Variants in DLG1 observed in about 807,000 individuals in gnomAD.
DLG1 encodes the protein discs large MAGUK scaffold protein 1.
Under a neutral mutation model 123.4 loss-of-function variants are expected in DLG1, and 42 were observed. The ratio of observed to expected loss-of-function variants is 0.34; its 90% CI spans 0.27 to 0.44. DLG1 has a LOEUF of 0.44. Among genes scored for constraint, DLG1 ranks in the 20% least tolerant of loss-of-function variants. The probability of loss-of-function intolerance (pLI) is 1.00; values close to 1 mark genes in which losing one functional copy is unlikely to be tolerated. For missense variants in DLG1, 942 were observed against 1,082.6 expected (o/e 0.87, Z 1.82); for synonymous variants, 317 against 356.2 (o/e 0.89, Z 1.24).
intron 2 of DLG1, 69 bp from the exon 3 acceptor site, chr3:197,296,546 A>G (rs2151298284): frequency 7.1e-7 from 1 of 1,401,530 alleles, no homozygotes. Flanking sequence ...ACTAGTGCAA[A>G]TAATTCTGCA....
chr3:197,069,446 A>AATT, intron 18 of DLG1, 186 bp from the exon 19 acceptor site: 1 of 418,732 alleles, frequency 2.4e-6, no homozygotes, highest in Non-Finnish European at 4.3e-6. Flanking sequence ...AAACTCCTGT[A>AATT]ATTAAGGACA....
rs142234695 is a variant in DLG1 at position 197,248,201 on chromosome 3, C to T, written c.318+34478G>A. Among the ~76,000 whole-genome samples, 260 of 152,258 alleles carry T rather than the reference C, an allele frequency of 1.7e-3. 4 individuals are homozygous for T. Among genetic ancestry groups the T allele is most frequent in the East Asian group, 0.015 (78 of 5,186 alleles). On this transcript the variant is annotated intron_variant, in intron 4 of 24. Transcript: ENST00000667157. ...ATGTTCTGACCAAGATATACTTCAC[C>T]GCCCCCTGGCTTTTCTTACTTTGAT...
At chr3:197,055,714 G>A (rs890904827) in intron 23 of DLG1, among the ~76,000 whole-genome samples, 1 of 152,114 alleles carries the variant, frequency 6.6e-6, no homozygotes, top group Non-Finnish European at 1.5e-5. Flanking sequence ...TCTGTGGTGT[G>A]GGGGGAAGAG....
chr3:197,228,437 T>G (rs1392303289), intron 4 of DLG1, among the ~76,000 whole-genome samples: 4 of 152,240 alleles, frequency 2.6e-5, no homozygotes, highest in African/African-American at 9.6e-5. Context: ...GGTTACACAA[T>G]AAACATGTAA....
chr3:197,045,380 A>T (rs1381702536), intron 24 of DLG1, among the ~76,000 whole-genome samples: 2 of 152,220 alleles, frequency 1.3e-5, no homozygotes, highest in African/African-American at 4.8e-5. Flanking sequence ...TAAAGCAAAC[A>T]AACAAACAAA....
rs148663717 is a variant in DLG1, at chr3:197,163,200, A to G, written c.484-13404T>C. ...GTCTAATTAAAACAAAACAAAAAAC[A>G]AAGTAACAAGTGGTGGCAAGGATGT... On this transcript the variant is annotated intron_variant, in intron 5 of 24. Coordinates refer to ENST00000667157, the MANE Select transcript of DLG1 (RefSeq NM_001366207.1). Among the ~76,000 whole-genome samples, 30 of 152,332 alleles carry G rather than the reference A, an allele frequency of 2.0e-4. No homozygotes were observed. The East Asian group carries it at 5.0e-3, about 25-fold the overall frequency.
intron 5 of DLG1, among the ~76,000 whole-genome samples, chr3:197,179,072 A>G (rs1455180415): frequency 6.6e-6 from 1 of 152,164 alleles, no homozygotes; most frequent in Non-Finnish European, 1.5e-5. Flanking sequence ...GCAGGCTGGA[A>G]CACAAAGCAA....
In DLG1 at chr3:197,195,770, T is replaced by C. The variant is rs184708117; in HGVS notation, c.319-1181A>G. ...GGGGTGTGGGGTGGATGGCTACCTA[T>C]TGGTACTATGCTTACTACCTTGGTG... On this transcript the variant is annotated intron_variant, in intron 4 of 24. Transcript: ENST00000667157. 4.6e-5 allele frequency among the ~76,000 whole-genome samples: 7 copies of C among 152,202 alleles called. No individual in the cohort carries two copies. In the East Asian group the frequency reaches 1.4e-3, roughly 29 times the overall value.
intron 11 of DLG1, among the ~76,000 whole-genome samples, chr3:197,121,074 A>C (rs1039108597): frequency 1.8e-5 from 1 of 54,204 alleles, no homozygotes; most frequent in African/African-American, 4.9e-5. Flanking sequence ...GATGAAACAA[A>C]AAAAACAACT....
intron 24 of DLG1, among the ~76,000 whole-genome samples, chr3:197,046,819 G>T (rs1723499406): frequency 6.6e-6 from 1 of 152,046 alleles, no homozygotes; most frequent in South Asian, 2.1e-4. Flanking sequence ...CCAGTGAACT[G>T]AGATCGCACC....
intron 2 of DLG1, 35 bp downstream of exon 2, chr3:197,297,151 G>A: frequency 6.2e-7 from 1 of 1,612,906 alleles, no homozygotes; most frequent in South Asian, 1.1e-5. Flanking sequence ...AAAAGCAAGT[G>A]ACATCGACAA....
At chr3:197,183,708 T>G in intron 5 of DLG1, 1 of 1,550,552 alleles carries the variant, frequency 6.4e-7, no homozygotes. Flanking sequence ...TTTTGCCCAG[T>G]GTTTCTGCTT....
chr3:197,183,935 C>T (rs1229000481), intron 5 of DLG1: 1 of 1,435,928 alleles, frequency 7.0e-7, no homozygotes, highest in Admixed American at 2.9e-5. Flanking sequence ...AAAATAAAAA[C>T]CTTGAGAAAT....
chr3:197,145,142 T>C (rs1413201609), intron 6 of DLG1, among the ~76,000 whole-genome samples: 6 of 152,270 alleles, frequency 3.9e-5, no homozygotes, highest in Non-Finnish European at 8.8e-5. Context: ...ATCATGTCTG[T>C]GCATCTAGAG....
At chr3:197,140,000 GA>G (rs1175102564) in intron 8 of DLG1, 139 bp downstream of exon 8, 1 of 812,966 alleles carries the variant, frequency 1.2e-6, no homozygotes, top group Non-Finnish European at 1.8e-6. Context: ...CTCATTCATT[GA>G]CTTGAATGTT....
At chr3:197,135,484 G>T (rs1459023298) in intron 10 of DLG1, among the ~76,000 whole-genome samples, 1 of 152,176 alleles carries the variant, frequency 6.6e-6, no homozygotes. Flanking sequence ...CACCATGACT[G>T]TAAGTTTCCT....
intron 5 of DLG1, among the ~76,000 whole-genome samples, chr3:197,179,819 A>G (rs928835136): frequency 2.6e-5 from 4 of 152,266 alleles, no homozygotes; most frequent in African/African-American, 4.8e-5. Flanking sequence ...CAGACAAACA[A>G]TATTTTTTAA....
chr3:197,215,873 T>A (rs558021551), intron 4 of DLG1, among the ~76,000 whole-genome samples: 3 of 152,248 alleles, frequency 2.0e-5, no homozygotes, highest in African/African-American at 7.2e-5. Flanking sequence ...GTATTACTCT[T>A]TTATTATTTT....
chr3:197,284,352 C>T (rs892249738), intron 3 of DLG1, among the ~76,000 whole-genome samples: 7 of 152,108 alleles, frequency 4.6e-5, no homozygotes, highest in African/African-American at 1.7e-4. Flanking sequence ...CTATGTAAAA[C>T]AAAATCCAAC....
Sources: gnomAD v4.1 joint callset for allele counts (sites outside exome capture counted in the v4.1 genomes callset) on GRCh38, gnomAD v4.1.1 for gene constraint, MANE v1.5 for transcripts, NCBI Gene and HGNC (gene_info 2026-07-23, HGNC 2026-07-21) for gene names.